The following PDE4D variants were observed in gnomAD, a reference collection of about 807,000 sequenced individuals.
PDE4D encodes the protein 3',5'-cyclic-AMP phosphodiesterase 4D.
Under a neutral mutation model 87.4 loss-of-function variants are expected in PDE4D, and 24 were observed. The ratio of observed to expected loss-of-function variants is 0.27; its 90% CI spans 0.20 to 0.39. PDE4D has a LOEUF of 0.39. Ranked by LOEUF, PDE4D falls within the 10% of genes least tolerant of loss-of-function variation. PDE4D has a pLI of 1.00. For synonymous variants in PDE4D, 384 were observed against 383.2 expected, an observed-to-expected ratio of 1.00 and a Z score of -0.02; for missense variants, 714 against 1,041.0, an observed-to-expected ratio of 0.69 and a Z score of 4.32.
chr5:59,549,709 G>C (rs535448829), intron 1 of PDE4D, among the ~76,000 whole-genome samples: 1 of 152,098 alleles, frequency 6.6e-6, no homozygotes, highest in Non-Finnish European at 1.5e-5. Context: ...CAGCAAAACA[G>C]GCATTTGTGA....
At chr5:59,373,025 T>A (rs1049947164) in intron 1 of PDE4D, among the ~76,000 whole-genome samples, 1 of 149,572 alleles carries the variant, frequency 6.7e-6, no homozygotes, top group Non-Finnish European at 1.5e-5. Flanking sequence ...AAAAAAAACA[T>A]TCAAATGTCA....
chr5:59,713,305 C>T (rs984400898), intron 1 of PDE4D, among the ~76,000 whole-genome samples: 2 of 152,172 alleles, frequency 1.3e-5, no homozygotes, highest in African/African-American at 4.8e-5. Flanking sequence ...CATGACTCAG[C>T]AAGTTTGGAG....
At chr5:60,410,308 T>G (rs562712633) in intron 1 of PDE4D, among the ~76,000 whole-genome samples, 6 of 152,120 alleles carry the variant, frequency 3.9e-5, no homozygotes, top group African/African-American at 1.4e-4. Flanking sequence ...GTCCAGACTT[T>G]TCTCTCCCAC....
intron 1 of PDE4D, among the ~76,000 whole-genome samples, chr5:59,617,847 TC>T (rs1319000311): frequency 6.6e-6 from 1 of 152,162 alleles, no homozygotes; most frequent in Non-Finnish European, 1.5e-5. Flanking sequence ...CATACACCAC[TC>T]ATTCCTCAAT....
intron 1 of PDE4D, among the ~76,000 whole-genome samples, chr5:59,847,746 C>A (rs1744075354): frequency 6.6e-6 from 1 of 152,066 alleles, no homozygotes; most frequent in Admixed American, 6.6e-5. Flanking sequence ...CTCCATATGG[C>A]AAATTTGACA....
At chr5:59,531,021 C>T (rs929883873) in intron 1 of PDE4D, among the ~76,000 whole-genome samples, 3 of 152,174 alleles carry the variant, frequency 2.0e-5, no homozygotes, top group African/African-American at 7.2e-5. Flanking sequence ...TTAATGAACT[C>T]TCCAGCAAAC....
intron 1 of PDE4D, among the ~76,000 whole-genome samples, chr5:59,219,188 G>A (rs1479421355): frequency 2.1e-5 from 3 of 142,746 alleles, no homozygotes; most frequent in Non-Finnish European, 4.5e-5. Flanking sequence ...AAAACTTAAA[G>A]TATAATTAAA....
chr5:59,974,464 C>G (rs1280411058), intron 3 of PDE4D, among the ~76,000 whole-genome samples: 1 of 152,094 alleles, frequency 6.6e-6, no homozygotes, highest in African/African-American at 2.4e-5. Flanking sequence ...ATCTGGGAAA[C>G]AGCTGAGTAA....
intron 2 of PDE4D, among the ~76,000 whole-genome samples, chr5:60,087,445 A>C (rs1048362624): frequency 6.6e-6 from 1 of 152,258 alleles, no homozygotes; most frequent in African/African-American, 2.4e-5. Context: ...TGTCAGGCAG[A>C]AAATTCAGAA....
chr5:59,823,768 A>C (rs1373634340), intron 1 of PDE4D, among the ~76,000 whole-genome samples: 2 of 149,118 alleles, frequency 1.3e-5, no homozygotes, highest in African/African-American at 4.9e-5. Flanking sequence ...ACTCTCCTTC[A>C]GACTTATTAC....
At chr5:59,645,850 C>A (rs298024) in intron 1 of PDE4D, among the ~76,000 whole-genome samples, 56,833 of 152,028 alleles carry the variant, frequency 0.37, 11,209 homozygotes, top group East Asian at 0.74. Context: ...AAATCACCCC[C>A]AAAAATTGAG....
intron 1 of PDE4D, among the ~76,000 whole-genome samples, chr5:60,209,191 T>C (rs548846566): frequency 4.8e-5 from 7 of 146,480 alleles, no homozygotes; most frequent in East Asian, 2.0e-4. Flanking sequence ...TTTTTTCTTT[T>C]TTTTTTTTTT....
intron 1 of PDE4D, among the ~76,000 whole-genome samples, chr5:60,504,013 T>C (rs895296097): frequency 1.3e-5 from 2 of 152,160 alleles, no homozygotes; most frequent in Non-Finnish European, 2.9e-5. Context: ...AGAACCAAAT[T>C]TGAGTCAGCC....
intron 1 of PDE4D, among the ~76,000 whole-genome samples, chr5:59,367,282 A>G (rs373878785): frequency 9.8e-5 from 15 of 152,340 alleles, no homozygotes; most frequent in South Asian, 4.1e-4. Flanking sequence ...GTAGAATCTA[A>G]TTACTCCTGA....
chr5:60,497,725 G>A (rs550988023), intron 1 of PDE4D, among the ~76,000 whole-genome samples: 5 of 152,256 alleles, frequency 3.3e-5, no homozygotes, highest in African/African-American at 1.2e-4. Flanking sequence ...TCTTTCAGAA[G>A]TCAATTAGTC....
At position 60,420,631 on chromosome 5, in the gene PDE4D, C is replaced by T. The variant is rs543127816; in HGVS notation, c.-90+67311G>A. ...TCCAGTCTGCACCTCCCAGCGTCAT[C>T]GATGCAGAAGATGGGTGATTTCTGC... On this transcript the variant is annotated intron_variant, in intron 1 of 16. Coordinates refer to the PDE4D transcript ENST00000502484. 2.0e-5 allele frequency among the ~76,000 whole-genome samples: 3 copies of T among 152,330 alleles called. No homozygotes were observed. In the East Asian group the frequency reaches 5.8e-4, roughly 29 times the overall value.
At position 59,181,558 on chromosome 5, in the gene PDE4D, ATATATATATATATT is replaced by A. The variant is rs1291199938; in HGVS notation, c.759-928_759-915del. Reference sequence around the variant, plus strand: ...AAAGATGTCTGATATATATATATATATATATATATATATTAGGTATATAATAATTATATATATAT... The same window carrying A: ...AAAGATGTCTGATATATATATATATAAGGTATATAATAATTATATATATAT... On this transcript the variant is annotated intron_variant, in intron 4 of 14. Coordinates refer to ENST00000340635, the MANE Select transcript of PDE4D (RefSeq NM_001104631.2). Among the ~76,000 whole-genome samples the A allele has an allele frequency of 1.6e-3, 233 of 145,008 alleles. 10 individuals are homozygous for A. Among genetic ancestry groups the A allele is most frequent in the African/African-American group, 5.7e-3 (220 of 38,728 alleles).
chr5:60,474,688 G>T (rs957919191), intron 1 of PDE4D, among the ~76,000 whole-genome samples: 17 of 152,144 alleles, frequency 1.1e-4, no homozygotes, highest in Non-Finnish European at 2.2e-4. Flanking sequence ...CTAAACATGC[G>T]AAGTCATTCA....
At chr5:59,214,103 T>G (rs1030104534) in intron 2 of PDE4D, among the ~76,000 whole-genome samples, 1 of 150,414 alleles carries the variant, frequency 6.6e-6, no homozygotes. Flanking sequence ...CTCTTGCATC[T>G]AAACCAGCTC....
Sources: allele counts gnomAD v4.1 joint callset (sites outside exome capture counted in the v4.1 genomes callset), GRCh38; gene constraint gnomAD v4.1.1; transcripts MANE v1.5; gene names NCBI Gene and HGNC (gene_info 2026-07-23, HGNC 2026-07-21).